The following ZNF595 variants were observed in gnomAD, a reference collection of about 807,000 sequenced individuals.
ZNF595 encodes zinc finger protein 595.
In ZNF595, 9 loss-of-function variants were observed where a neutral mutation model predicts 19.4. That is an observed-to-expected ratio of 0.46 (90% CI 0.28 to 0.81). The LOEUF (loss-of-function observed/expected upper bound fraction) is 0.81. Ranked by LOEUF, ZNF595 falls within the 30% of genes least tolerant of loss-of-function variation. The pLI is 0.11. For synonymous variants in ZNF595, 255 were observed against 255.9 expected (o/e 1.00, Z 0.03); for missense variants, 729 against 736.0 (o/e 0.99, Z 0.11).
rs782255595 is a variant in ZNF595 at position 86,925 on chromosome 4, A to G, written c.1421A>G (p.His474Arg). ...ACACTGAACGAACATAAGAAAATTCATACTGGCGAGAAACCCTACAAATGT... is the reference window on the plus strand; with the variant it reads ...ACACTGAACGAACATAAGAAAATTCGTACTGGCGAGAAACCCTACAAATGT... ...STTLNEHKKI[H>R]TGEKPYKCEE... Residue 474 changes from histidine (H) to arginine (R), a missense_variant, in exon 4 of 4, where the codon CAT becomes CGT. By Grantham distance (29) the His-to-Arg change is conservative. Transcript: ENST00000610261. The G allele has an allele frequency of 1.7e-5, 27 of 1,610,868 alleles. 1 individual carries two copies. The Admixed American group carries it at 4.2e-4, about 25-fold the overall frequency.
Position 86,003 on chromosome 4 carries a change from C to CA in ZNF595, c.500dup (p.His167GlnfsTer8). 5 of 1,608,096 alleles carry CA rather than the reference C, an allele frequency of 3.1e-6. No individual in the cohort carries two copies. Among genetic ancestry groups the CA allele is most frequent in the Non-Finnish European group, 4.2e-6 (5 of 1,176,568 alleles). On this transcript the variant is annotated frameshift_variant, in exon 4 of 4. Transcript: ENST00000610261. LOFTEE classifies it low-confidence loss of function (END_TRUNC). ...AAATTCAAACAAACATAAGATAAGA[C>CA]ATACTGGAGAGAAACCCTTTAAATG...
At chr4:70,170 T>C (rs560399018) in intron 3 of ZNF595, among the ~76,000 whole-genome samples, 1 of 152,222 alleles carries the variant, frequency 6.6e-6, no homozygotes, top group Non-Finnish European at 1.5e-5. Flanking sequence ...TAGATAATTA[T>C]CTTTAATATT....
intron 3 of ZNF595, among the ~76,000 whole-genome samples, chr4:81,371 T>A (rs1318222821): frequency 1.3e-5 from 2 of 152,204 alleles, no homozygotes; most frequent in Non-Finnish European, 2.9e-5. Flanking sequence ...GTTCTGTTTG[T>A]ATACAATGGT....
intron 3 of ZNF595, among the ~76,000 whole-genome samples, chr4:79,901 C>G (rs1713834879): frequency 6.6e-6 from 1 of 151,736 alleles, no homozygotes; most frequent in Non-Finnish European, 1.5e-5. Flanking sequence ...TTTTCAGTTT[C>G]TTGCCAATGT....
intron 3 of ZNF595, among the ~76,000 whole-genome samples, chr4:70,907 G>T (rs945723023): frequency 1.3e-5 from 2 of 152,140 alleles, no homozygotes; most frequent in South Asian, 4.1e-4. Context: ...TTTTGATAGG[G>T]ATTGCATTAA....
At chr4:78,367 G>A (rs1553799172) in intron 3 of ZNF595, among the ~76,000 whole-genome samples, 5 of 152,152 alleles carry the variant, frequency 3.3e-5, no homozygotes, top group Admixed American at 3.3e-4. Context: ...TTATGACCCT[G>A]TGGTATTTAA....
At chr4:69,603 A>G (rs1317023055) in intron 3 of ZNF595, among the ~76,000 whole-genome samples, 3 of 152,132 alleles carry the variant, frequency 2.0e-5, no homozygotes, top group Non-Finnish European at 4.4e-5. Context: ...ATCTTATCCT[A>G]TAGAGCTGTT....
rs1279963074 is a variant in ZNF595, at chr4:87,288, A to C, written c.1784A>C (p.Glu595Ala). 1 of 1,613,616 alleles carries C rather than the reference A, an allele frequency of 6.2e-7. No individual in the cohort carries two copies. The highest frequency in any genetic ancestry group is 8.5e-7 in the Non-Finnish European group (1 of 1,179,800). The change falls in exon 4 of 4, where the codon GAA becomes GCA. Residue 595 changes from glutamate to alanine, a missense_variant. By Grantham distance (107) the Glu-to-Ala change is moderately radical. Around this residue, in one of 2 missense-constraint regions of ZNF595, gnomAD observed 729 missense variants for 675.3 expected, o/e 1.08. Coordinates refer to ENST00000610261, the MANE Select transcript of ZNF595 (RefSeq NM_182524.4). ...ACTGGAGAGAAACCCTTCACATGTGAAGAATGTGGCAAAGCCTTCAATTGG... is the reference window on the plus strand; with the variant it reads ...ACTGGAGAGAAACCCTTCACATGTGCAGAATGTGGCAAAGCCTTCAATTGG... ...IHTGEKPFTC[E>A]ECGKAFNWSS...
In ZNF595 at chr4:87,518, C is replaced by A. The variant is rs1714282124; in HGVS notation, c.*67C>A. 5.2e-6 allele frequency: 7 copies of A among 1,333,710 alleles called. No individual in the cohort carries two copies. The East Asian group carries it at 1.6e-4, about 30-fold the overall frequency. The allele number at this position is 1,333,710 out of a possible 1,614,324, so 82.6% of individuals were successfully genotyped here. A position where few individuals can be genotyped will look rare whatever the true frequency, so the allele number is the denominator to read the frequency against. On this transcript the variant is annotated 3_prime_UTR_variant, in exon 4 of 4. Coordinates refer to ENST00000610261, the MANE Select transcript of ZNF595 (RefSeq NM_182524.4). The stretch of plus-strand genomic sequence containing the variant: ...GCAAATAAATTGGAGAATATTGCTC[C>A]CATATAAACTTGTATTATTTTTCTT...
rs1189335219 is a variant in ZNF595, at chr4:85,953, G to C, written c.449G>C (p.Cys150Ser). ...AGCAAAATATTTCAATGTAATACAT[G>C]TGTTAAAGTTTTTAGTAAATTTTCA... ...TQSKIFQCNT[C>S]VKVFSKFSNS... The change falls in exon 4 of 4, where the codon TGT (cysteine) becomes TCT (serine). Residue 150 changes from cysteine to serine, a missense_variant. Cys to Ser is a moderately radical substitution (Grantham distance 112). Transcript: ENST00000610261. The C allele has an allele frequency of 6.2e-7, 1 of 1,611,212 alleles. No individual in the cohort carries two copies. Among genetic ancestry groups the C allele is most frequent in the Non-Finnish European group, 8.5e-7 (1 of 1,178,312 alleles).
At chr4:85,152 G>T (rs529377715) in intron 3 of ZNF595, among the ~76,000 whole-genome samples, 1 of 152,124 alleles carries the variant, frequency 6.6e-6, no homozygotes, top group Admixed American at 6.5e-5. Flanking sequence ...AGTGAAAAGG[G>T]ATTATTCATG....
At position 86,714 on chromosome 4, in the gene ZNF595, GC is replaced by G. The variant is rs1560095505; in HGVS notation, c.1211del (p.Ala404ValfsTer64). The G allele has an allele frequency of 6.2e-7, 1 of 1,613,728 alleles. No individual in the cohort carries two copies. The highest frequency in any genetic ancestry group is 8.5e-7 in the Non-Finnish European group (1 of 1,179,870). On this transcript the variant is annotated frameshift_variant, in exon 4 of 4. Transcript: ENST00000610261. LOFTEE classifies it high-confidence loss of function. Reference sequence around the variant, plus strand: ...CTACACATGTGAAGAATGTGGCAAAGCTTTTTATAGGTCCTCACACCTTGCT... The same window carrying G: ...CTACACATGTGAAGAATGTGGCAAAGTTTTTATAGGTCCTCACACCTTGCT... Reference protein sequence around the residue: ...KPYTCEECGKAFYRSSHLAKH... With the variant: ...KPYTCEECGKXFYRSSHLAKH...
At chr4:77,457 T>C (rs1345896294) in intron 3 of ZNF595, among the ~76,000 whole-genome samples, 2 of 152,220 alleles carry the variant, frequency 1.3e-5, no homozygotes, top group Non-Finnish European at 2.9e-5. Context: ...TTGGTGGTGG[T>C]ATGTTTGCCT....
At chr4:68,943 C>G (rs782160170) in intron 3 of ZNF595, among the ~76,000 whole-genome samples, 1 of 152,218 alleles carries the variant, frequency 6.6e-6, no homozygotes, top group Non-Finnish European at 1.5e-5. Flanking sequence ...CTTCTGCTTT[C>G]TATCTCCATG....
At chr4:69,203 C>G (rs1378435865) in intron 3 of ZNF595, among the ~76,000 whole-genome samples, 2 of 152,156 alleles carry the variant, frequency 1.3e-5, no homozygotes, top group Admixed American at 6.5e-5. Context: ...GTGAACACTG[C>G]TGCAATAAAA....
chr4:86,345 G>A lies in ZNF595; in HGVS notation c.841G>A (p.Glu281Lys). The A allele has an allele frequency of 6.2e-7, 1 of 1,613,924 alleles. No homozygotes were observed. The highest frequency in any genetic ancestry group is 8.5e-7 in the Non-Finnish European group (1 of 1,179,970). The change falls in exon 4 of 4, where the codon GAG (glutamate) becomes AAG (lysine). Residue 281 changes from glutamate (E) to lysine (K), a missense_variant. This residue lies in a region of ZNF595 where 729 missense variants were observed against 675.3 expected (regional missense o/e 1.08). Coordinates refer to ENST00000610261, the MANE Select transcript of ZNF595 (RefSeq NM_182524.4). ...LNEHKKIHTG[E>K]KPYKCKECGK... ...TGAACACAAGAAAATTCATACTGGA[G>A]AGAAACCCTACAAATGTAAAGAATG...
At chr4:65,206 G>C (rs1581329603) in intron 3 of ZNF595, among the ~76,000 whole-genome samples, 2 of 136,874 alleles carry the variant, frequency 1.5e-5, no homozygotes, top group African/African-American at 5.3e-5. Flanking sequence ...CCCTTGAGTT[G>C]GCCACCTGGG....
chr4:69,349 A>G (rs1713335179), intron 3 of ZNF595, among the ~76,000 whole-genome samples: 1 of 152,164 alleles, frequency 6.6e-6, no homozygotes. Flanking sequence ...GGACTAATTT[A>G]CATTCACACC....
chr4:82,019 T>A (rs1309788279), intron 3 of ZNF595, among the ~76,000 whole-genome samples: 1 of 152,188 alleles, frequency 6.6e-6, no homozygotes, highest in Non-Finnish European at 1.5e-5. Flanking sequence ...TGTAAGAGTG[T>A]GTATTTTTCC....
Sources: allele counts gnomAD v4.1 joint callset (sites outside exome capture counted in the v4.1 genomes callset), GRCh38; gene constraint gnomAD v4.1.1; regional missense constraint gnomAD v4.1.1; transcripts MANE v1.5; gene names NCBI Gene and HGNC (gene_info 2026-07-23, HGNC 2026-07-21).